Variants in P2RY8 observed in about 807,000 individuals in gnomAD.
P2RY8 encodes the protein P2Y receptor family member 8, also known as S-geranylgeranyl-glutathione receptor P2RY8.
In P2RY8, 6 loss-of-function variants were observed where a neutral mutation model predicts 10.0. The observed-to-expected ratio is 0.60, with a 90% CI of 0.33 to 1.19. The LOEUF is 1.19. P2RY8 is among the 50% of genes most tolerant of loss of function. The probability of loss-of-function intolerance (pLI) is 0.04; values close to 1 mark genes in which losing one functional copy is unlikely to be tolerated. For missense variants in P2RY8, 456 were observed against 542.0 expected (o/e 0.84, Z 1.58); for synonymous variants, 276 against 252.5 (o/e 1.09, Z -0.88).
chrX:1,493,371 GAGGAAGGAGGAAGGAGGGAGGGA>G (rs2092076313), intron 1 of P2RY8, among the ~76,000 whole-genome samples: 1 of 50,664 alleles, frequency 2.0e-5, no homozygotes, highest in Non-Finnish European at 4.1e-5. Flanking sequence ...GAGGGGGAGG[GAGGAAGGAGGAAGGAGGGAGGGA>G]GGGAAGGAGG....
At chrX:1,523,783 A>G (rs1490856337) in intron 1 of P2RY8, among the ~76,000 whole-genome samples, 1 of 152,108 alleles carries the variant, frequency 6.6e-6, no homozygotes, top group African/African-American at 2.4e-5. Flanking sequence ...CCCGGGTTCA[A>G]GCGATTCTCC....
intron 1 of P2RY8, among the ~76,000 whole-genome samples, chrX:1,498,405 CAAAAAA>C (rs1175667773): frequency 4.2e-5 from 3 of 70,630 alleles, no homozygotes; most frequent in Non-Finnish European, 9.2e-5. Context: ...GACTCTGTCT[CAAAAAA>C]AAAAAAAAAA....
At chrX:1,484,724 T>TAAA (rs1171758279) in intron 1 of P2RY8, among the ~76,000 whole-genome samples, 431 of 16,760 alleles carry the variant, frequency 0.026, 33 homozygotes, top group South Asian at 0.057. Context: ...CAAAACCCTG[T>TAAA]AAAAAAAAAA....
chrX:1,472,574 G>A (rs1311982056), intron 1 of P2RY8, among the ~76,000 whole-genome samples: 3 of 131,722 alleles, frequency 2.3e-5, no homozygotes, highest in South Asian at 2.8e-4. Flanking sequence ...TGGGTAGGTG[G>A]GTGAGTGGGT....
intron 1 of P2RY8, among the ~76,000 whole-genome samples, chrX:1,509,695 TCCATCCATC>T: frequency 2.2e-5 from 3 of 139,490 alleles, no homozygotes; most frequent in African/African-American, 5.7e-5. Context: ...CATCCATCCA[TCCATCCATC>T]CATTTATTCT....
At chrX:1,498,177 C>T (rs183284486) in intron 1 of P2RY8, among the ~76,000 whole-genome samples, 28 of 151,876 alleles carry the variant, frequency 1.8e-4, no homozygotes, top group South Asian at 1.0e-3. Context: ...GAGGCCGAGG[C>T]GGGCAGATCG....
rs778362579 is a variant in P2RY8 at position 1,482,682 on chromosome X, C to T, written c.-24-16100G>A. Reference sequence around the variant, plus strand: ...GTGTAAGGAAGGGATCCAGTTTCAGCTTTCAACATATGGCTAGTCAGTTTT... The same window carrying T: ...GTGTAAGGAAGGGATCCAGTTTCAGTTTTCAACATATGGCTAGTCAGTTTT... On this transcript the variant is annotated intron_variant, in intron 1 of 1. Transcript: ENST00000381297. Among the ~76,000 whole-genome samples, 189 of 152,196 alleles carry T rather than the reference C, an allele frequency of 1.2e-3. 1 individual carries two copies. Among genetic ancestry groups the T allele is most frequent in the African/African-American group, 4.3e-3 (177 of 41,530 alleles).
intron 1 of P2RY8, among the ~76,000 whole-genome samples, chrX:1,525,105 A>AC (rs1301833968): frequency 3.9e-5 from 6 of 152,126 alleles, no homozygotes; most frequent in South Asian, 2.1e-4. Context: ...TTGAGTGGGG[A>AC]CCCCCCAAAA....
intron 1 of P2RY8, among the ~76,000 whole-genome samples, chrX:1,490,816 C>T (rs1227184123): frequency 6.7e-6 from 1 of 148,754 alleles, no homozygotes; most frequent in Non-Finnish European, 1.5e-5. Context: ...CAGATATTCC[C>T]TGCAAATGTG....
intron 1 of P2RY8, among the ~76,000 whole-genome samples, chrX:1,468,502 C>T (rs368500788): frequency 1.5e-3 from 236 of 152,302 alleles, no homozygotes; most frequent in African/African-American, 5.5e-3. Context: ...AAGAAATTAC[C>T]TCTAACTGAT....
At position 1,464,571 on chromosome X, in the gene P2RY8, G is replaced by A. The variant is rs187082775; in HGVS notation, c.*908C>T. 2.6e-5 allele frequency: 6 copies of A among 233,364 alleles called. No homozygotes were observed. The highest frequency in any genetic ancestry group is 8.8e-5 in the African/African-American group (4 of 45,360). 14.5% of individuals were successfully genotyped at this position (233,364 alleles called of 1,614,324 possible). On this transcript the variant is annotated 3_prime_UTR_variant, in exon 2 of 2. Transcript: ENST00000381297. ...CTCCCGAATCAAGCTGCACCCTTGT[G>A]TTGGGATGGGCTGGACCCCATCTCA...
At chrX:1,536,647 G>A (rs1395873529) in intron 1 of P2RY8, among the ~76,000 whole-genome samples, 5 of 152,036 alleles carry the variant, frequency 3.3e-5, no homozygotes, top group Non-Finnish European at 5.9e-5. Flanking sequence ...CGCCCACCTC[G>A]GCCTCTGAAA....
chrX:1,464,030 G>A lies in P2RY8; in HGVS notation c.*1449C>T. On this transcript the variant is annotated 3_prime_UTR_variant, in exon 2 of 2. Transcript: ENST00000381297. ...TTTCCTGCCATAGTGATGACGGCAG[G>A]AGAGAGGCACCAATAGAGGGCCTCC... 4.3e-6 allele frequency: 1 copy of A among 233,332 alleles called. No homozygotes were observed. Among genetic ancestry groups the A allele is most frequent in the Non-Finnish European group, 8.5e-6 (1 of 118,072 alleles). 14.5% of individuals were successfully genotyped at this position (233,332 alleles called of 1,614,324 possible). A position where few individuals can be genotyped will look rare whatever the true frequency, so the allele number is the denominator to read the frequency against.
chrX:1,501,383 A>C (rs2092177580), intron 1 of P2RY8, among the ~76,000 whole-genome samples: 1 of 152,060 alleles, frequency 6.6e-6, no homozygotes. Context: ...TGGAGACATA[A>C]GGTCTTGCTC....
chrX:1,531,327 C>T (rs1429163996), intron 1 of P2RY8, among the ~76,000 whole-genome samples: 1 of 152,168 alleles, frequency 6.6e-6, no homozygotes. Flanking sequence ...CAGCAGACAG[C>T]CTGTGCCTTT....
intron 1 of P2RY8, among the ~76,000 whole-genome samples, chrX:1,504,484 A>G (rs1381376419): frequency 6.6e-6 from 1 of 152,160 alleles, no homozygotes; most frequent in African/African-American, 2.4e-5. Context: ...AAATTTAAAC[A>G]TAGGTTTCAC....
At chrX:1,529,330 C>T (rs1419921431) in intron 1 of P2RY8, among the ~76,000 whole-genome samples, 1 of 152,098 alleles carries the variant, frequency 6.6e-6, no homozygotes, top group African/African-American at 2.4e-5. Flanking sequence ...CCCATTCTCT[C>T]CCTGAGACCT....
intron 1 of P2RY8, among the ~76,000 whole-genome samples, chrX:1,530,228 CTATG>C (rs200294943): frequency 0.099 from 14,958 of 150,904 alleles, 913 homozygotes; most frequent in Non-Finnish European, 0.14. Flanking sequence ...ATCCATGTAT[CTATG>C]TATGTATCTA....
intron 1 of P2RY8, among the ~76,000 whole-genome samples, chrX:1,482,552 A>G (rs1287695263): frequency 1.3e-5 from 2 of 152,180 alleles, no homozygotes; most frequent in East Asian, 3.8e-4. Flanking sequence ...GTCCTTGCCC[A>G]TGCCTATGTC....
Sources: gnomAD v4.1 joint callset for allele counts (sites outside exome capture counted in the v4.1 genomes callset) on GRCh38, gnomAD v4.1.1 for gene constraint, MANE v1.5 for transcripts, NCBI Gene and HGNC (gene_info 2026-07-23, HGNC 2026-07-21) for gene names.